Variants in BCL9L observed in about 807,000 individuals in gnomAD.
The protein encoded by BCL9L is B-cell CLL/lymphoma 9-like protein.
Under a neutral mutation model 99.4 loss-of-function variants are expected in BCL9L, and 19 were observed. The ratio of observed to expected loss-of-function variants is 0.19; its 90% CI spans 0.13 to 0.28. BCL9L has a LOEUF of 0.28. Among genes scored for constraint, BCL9L ranks in the 10% least tolerant of loss-of-function variants. The pLI is 1.00. For synonymous variants in BCL9L, 900 were observed against 854.8 expected (o/e 1.05, Z -0.92); for missense variants, 2,023 against 2,101.6 (o/e 0.96, Z 0.73).
At chr11:118,899,650 G>T in intron 9 of BCL9L, 142 bp from the exon 10 acceptor site, 3 of 1,174,458 alleles carry the variant, frequency 2.6e-6, no homozygotes, top group Non-Finnish European at 3.6e-6. Context: ...TGGGAGGGAA[G>T]GGACTGGAGG....
intron 2 of BCL9L, among the ~76,000 whole-genome samples, chr11:118,913,839 G>C (rs967680809): frequency 6.6e-6 from 1 of 152,214 alleles, no homozygotes; most frequent in African/African-American, 2.4e-5. Flanking sequence ...GGTAGAGGGA[G>C]CCAGGCTGGC....
Position 118,902,958 on chromosome 11 carries a change from A to G in BCL9L, c.834+32T>C, listed in dbSNP as rs769526961. Reference sequence around the variant, plus strand: ...AGACAGGTAAGGGGACGTTCCACCCAGTCCTGCTGCTCACAGAGGCGCCAC... The same window carrying G: ...AGACAGGTAAGGGGACGTTCCACCCGGTCCTGCTGCTCACAGAGGCGCCAC... On this transcript the variant is annotated intron_variant, in intron 7 of 9. Transcript: ENST00000683865. This position sits in a 1 kb window ranked among gnomAD's most constrained non-coding sequence, Gnocchi z 7.8. 1 of 1,595,608 alleles carries G rather than the reference A, an allele frequency of 6.3e-7. No individual in the cohort carries two copies. Among genetic ancestry groups the G allele is most frequent in the Admixed American group, 1.7e-5 (1 of 58,732 alleles).
rs752508458 is a variant in BCL9L, at chr11:118,898,901, G to A, written c.4014C>T (p.Thr1338=). The A allele has an allele frequency of 1.7e-5, 27 of 1,613,370 alleles. No individual in the cohort carries two copies. Among genetic ancestry groups the A allele is most frequent in the Admixed American group, 1.2e-4 (7 of 59,944 alleles). ...TCTCGCTCTTGGGGAAGTACTGGAG[G>A]GTGCTGCTTGGCTTCTCAGAGGGGA... ...RIIPSEKPSS[T]LQYFPKSENQ... Residue 1338 remains threonine, a synonymous_variant, in exon 10 of 10, where the codon ACC becomes ACT. Transcript: ENST00000683865.
In BCL9L at chr11:118,898,688, C is replaced by CTGCTG; in HGVS notation, c.4222_4226dup (p.Gln1409HisfsTer22). 1 of 1,611,264 alleles carries CTGCTG rather than the reference C, an allele frequency of 6.2e-7. No homozygotes were observed. The highest frequency in any genetic ancestry group is 8.5e-7 in the Non-Finnish European group (1 of 1,178,762). ...GGTGCAGGCCATGGGGCACCATCCCCTGCTGTGGGGGCACGCCTGTCCTGC... is the reference window on the plus strand; with the variant it reads ...GGTGCAGGCCATGGGGCACCATCCCCTGCTGTGCTGTGGGGGCACGCCTGTCCTGC... On this transcript the variant is annotated frameshift_variant, in exon 10 of 10. Coordinates refer to ENST00000683865, the MANE Select transcript of BCL9L (RefSeq NM_001378213.1). LOFTEE classifies it high-confidence loss of function.
At position 118,902,591 on chromosome 11, in the gene BCL9L, G is replaced by A. The variant is rs759425637; in HGVS notation, c.1152C>T (p.Ala384=). 1.4e-5 allele frequency: 23 copies of A among 1,600,296 alleles called. No homozygotes were observed. Among genetic ancestry groups the A allele is most frequent in the Non-Finnish European group, 1.3e-5 (15 of 1,179,808 alleles). The change falls in exon 8 of 10, where the codon GCC becomes GCT. Residue 384 remains alanine (A), a synonymous_variant. Transcript: ENST00000683865. The surrounding 1 kb of genome is among the most constrained non-coding windows in gnomAD (Gnocchi z 7.8). ...GGCTGCGCTGCCCATTTCCAGGGGC[G>A]GCTGCCTCCCCCAGCAGGGCAGGGC... ...APGPALLGEA[A]APGNGQRSLV... is the part of the protein sequence containing the mutation.
intron 3 of BCL9L, 104 bp downstream of exon 3, chr11:118,909,810 G>A (rs1940703448): frequency 2.6e-6 from 4 of 1,568,556 alleles, no homozygotes; most frequent in Non-Finnish European, 3.5e-6. Flanking sequence ...GGTGCCCAGG[G>A]CGGCTCCTCT....
Position 118,900,203 on chromosome 11 carries a change from A to G in BCL9L, c.3125-5T>C. The G allele has an allele frequency of 6.3e-7, 1 of 1,583,964 alleles. No homozygotes were observed. ...GGCCGCTAGGCGGGAGGGTACCTAC[A>G]GAAACGGGGAGACAAAGAGAGCAGG... On this transcript the variant is annotated splice_region_variant and splice_polypyrimidine_tract_variant and intron_variant, in intron 8 of 9. Transcript: ENST00000683865. The surrounding 1 kb of genome is among the most constrained non-coding windows in gnomAD (Gnocchi z 5.3).
chr11:118,921,506 G>A lies in BCL9L; in HGVS notation c.-130-2627C>T, dbSNP rs1303140027. On this transcript the variant is annotated intron_variant, in intron 1 of 9. Coordinates refer to ENST00000683865, the MANE Select transcript of BCL9L (RefSeq NM_001378213.1). This position sits in a 1 kb window ranked among gnomAD's most constrained non-coding sequence, Gnocchi z 5.4. ...TTGAGGCTGGGGGTGGGGAAGTGGA[G>A]AGTGAGGAGGAGGGGAAGACGGGCC... 6.6e-6 allele frequency among the ~76,000 whole-genome samples: 1 copy of A among 152,106 alleles called. No individual in the cohort carries two copies. The highest frequency in any genetic ancestry group is 1.5e-5 in the Non-Finnish European group (1 of 68,024).
At position 118,898,813 on chromosome 11, in the gene BCL9L, C is replaced by T; in HGVS notation, c.4102G>A (p.Glu1368Lys). ...HLMNLQNMMA[E>K]QTPSRPPNLP... ...TTGGGAGGCCGAGAGGGAGTCTGCT[C>T]CGCCATCATGTTCTGCAGGTTCATG... The change falls in exon 10 of 10, where the codon GAG becomes AAG. Residue 1368 changes from glutamate (E) to lysine (K), a missense_variant. This residue lies in a region of BCL9L where 902 missense variants were observed against 888.2 expected (regional missense o/e 1.02). Coordinates refer to ENST00000683865, the MANE Select transcript of BCL9L (RefSeq NM_001378213.1). The T allele has an allele frequency of 6.2e-7, 1 of 1,614,076 alleles. No homozygotes were observed. Among genetic ancestry groups the T allele is most frequent in the Non-Finnish European group, 8.5e-7 (1 of 1,180,018 alleles).
chr11:118,912,668 C>CACAGG lies in BCL9L; in HGVS notation c.-76-2654_-76-2653insCCTGT, dbSNP rs1940843041. ...CAGGTAGGGCAGGCGTTCACACATC[C>CACAGG]AGTGGCAACCTGCCTGCTCCTAGCT... is the stretch of plus-strand genomic sequence containing the variant. On this transcript the variant is annotated intron_variant, in intron 2 of 9. Coordinates refer to ENST00000683865, the MANE Select transcript of BCL9L (RefSeq NM_001378213.1). Among the ~76,000 whole-genome samples the CACAGG allele has an allele frequency of 2.6e-5, 4 of 152,328 alleles. No homozygotes were observed. The South Asian group carries it at 8.3e-4, about 32-fold the overall frequency.
In BCL9L at chr11:118,903,127, C is replaced by T; in HGVS notation, c.750-53G>A. 6.5e-7 allele frequency: 1 copy of T among 1,545,476 alleles called. No individual in the cohort carries two copies. Among genetic ancestry groups the T allele is most frequent in the Non-Finnish European group, 8.7e-7 (1 of 1,147,420 alleles). ...CAGAGAGGTGAGCAGGAGGGAGCCCCACCCTCACCCACCCCACCCTGCCCC... is the reference window on the plus strand; with the variant it reads ...CAGAGAGGTGAGCAGGAGGGAGCCCTACCCTCACCCACCCCACCCTGCCCC... On this transcript the variant is annotated intron_variant, in intron 6 of 9. Transcript: ENST00000683865. This position sits in a 1 kb window ranked among gnomAD's most constrained non-coding sequence, Gnocchi z 5.6.
rs1159921377 is a variant in BCL9L, at chr11:118,900,736, G to T, written c.3007C>A (p.Pro1003Thr). 1.9e-6 allele frequency: 3 copies of T among 1,613,740 alleles called. No homozygotes were observed. The African/African-American group carries it at 4.0e-5, about 22-fold the overall frequency. Residue 1003 changes from proline (P) to threonine (T), a missense_variant, in exon 8 of 10, where the codon CCT becomes ACT. Pro to Thr is a conservative substitution (Grantham distance 38). Coordinates refer to ENST00000683865, the MANE Select transcript of BCL9L (RefSeq NM_001378213.1). The surrounding 1 kb of genome is among the most constrained non-coding windows in gnomAD (Gnocchi z 5.3). ...GGTGAGGCAACCCAGCCTGGAGAAG[G>T]CACCGCCATGGAAGGAGACTTGAGC... ...SRLKSPSMAV[P>T]SPGWVASPKT... is the part of the protein sequence containing the mutation.
chr11:118,902,496 T>G lies in BCL9L; in HGVS notation c.1247A>C (p.Asp416Ala). Residue 416 changes from aspartate (D) to alanine (A), a missense_variant, in exon 8 of 10, where the codon GAC becomes GCC. Transcript: ENST00000683865. This position sits in a 1 kb window ranked among gnomAD's most constrained non-coding sequence, Gnocchi z 7.8. ...HRERSLQTLR[D>A]IERLLLRSGE... ...GCTGCGGAGCAGCAGTCGCTCAATG[T>G]CTCGCAGCGTCTGGAGGGACCGTTC... 2 of 1,608,926 alleles carry G rather than the reference T, an allele frequency of 1.2e-6. No homozygotes were observed. Among genetic ancestry groups the G allele is most frequent in the Non-Finnish European group, 1.7e-6 (2 of 1,179,666 alleles).
At chr11:118,911,697 G>C (rs974982452) in intron 2 of BCL9L, among the ~76,000 whole-genome samples, 7 of 152,250 alleles carry the variant, frequency 4.6e-5, no homozygotes, top group Admixed American at 6.5e-5. Context: ...GTGACCTTGA[G>C]TCACATATCC....
At position 118,903,477 on chromosome 11, in the gene BCL9L, G is replaced by A. The variant is rs1398655985; in HGVS notation, c.533-25C>T. The A allele has an allele frequency of 6.2e-7, 1 of 1,609,958 alleles. No homozygotes were observed. The highest frequency in any genetic ancestry group is 8.5e-7 in the Non-Finnish European group (1 of 1,177,378). ...TCTGCAGGAGAGAGGACAGGGAAAGGGGCTAAGTGGTCTAGATACAAGAAG... is the reference window on the plus strand; with the variant it reads ...TCTGCAGGAGAGAGGACAGGGAAAGAGGCTAAGTGGTCTAGATACAAGAAG... On this transcript the variant is annotated intron_variant, in intron 5 of 9. Coordinates refer to ENST00000683865, the MANE Select transcript of BCL9L (RefSeq NM_001378213.1). This position sits in a 1 kb window ranked among gnomAD's most constrained non-coding sequence, Gnocchi z 5.6.
At chr11:118,917,661 G>A (rs1941004658) in intron 2 of BCL9L, among the ~76,000 whole-genome samples, 2 of 152,064 alleles carry the variant, frequency 1.3e-5, no homozygotes, top group South Asian at 2.1e-4. Context: ...TGTGCCCGGG[G>A]CTTGCCCAGG....
rs548028253 is a variant in BCL9L, at chr11:118,912,791, T to C, written c.-76-2776A>G. ...CCAAAGAGGCAGTGAGGAAATGTTT[T>C]GGAGGGTTCATGCTCCTGAGCTGCC... On this transcript the variant is annotated intron_variant, in intron 2 of 9. Coordinates refer to ENST00000683865, the MANE Select transcript of BCL9L (RefSeq NM_001378213.1). Among the ~76,000 whole-genome samples the C allele has an allele frequency of 3.3e-5, 5 of 152,276 alleles. No individual in the cohort carries two copies. The South Asian group carries it at 1.0e-3, about 32-fold the overall frequency.
rs1015736915 is a variant in BCL9L at position 118,897,961 on chromosome 11, C to T, written c.*454G>A. On this transcript the variant is annotated 3_prime_UTR_variant, in exon 10 of 10. Transcript: ENST00000683865. ...AAGACAGAAGGAAAATGGGCGGGTG[C>T]GGAGAAACCAAGAGGGAGGTGGAGC... 12 of 434,164 alleles carry T rather than the reference C, an allele frequency of 2.8e-5. No individual in the cohort carries two copies. The highest frequency in any genetic ancestry group is 1.2e-4 in the African/African-American group (6 of 48,700). The allele number at this position is 434,164 out of a possible 1,614,324, so 26.9% of individuals were successfully genotyped here.
At position 118,900,556 on chromosome 11, in the gene BCL9L, G is replaced by C; in HGVS notation, c.3124+63C>G. 1.3e-6 allele frequency: 2 copies of C among 1,540,532 alleles called. No homozygotes were observed. The highest frequency in any genetic ancestry group is 2.5e-5 in the South Asian group (2 of 80,646). ...CTTACTCACTCACTGCCCAGCCCCA[G>C]CATGGACACACTGCTCAGCGCCTGC... On this transcript the variant is annotated intron_variant, in intron 8 of 9. Transcript: ENST00000683865. The surrounding 1 kb of genome is among the most constrained non-coding windows in gnomAD (Gnocchi z 5.3).
Sources: gnomAD v4.1 joint callset for allele counts (sites outside exome capture counted in the v4.1 genomes callset) on GRCh38, gnomAD v4.1.1 for gene constraint, gnomAD v4.1.1 regional missense constraint, Gnocchi (gnomAD v3.1) non-coding constraint, MANE v1.5 for transcripts, NCBI Gene and HGNC (gene_info 2026-07-23, HGNC 2026-07-21) for gene names.